ATF2: variants seen among roughly 807,000 people sequenced by gnomAD.
The protein encoded by ATF2 is activating transcription factor 2.
Under a neutral mutation model 60.6 loss-of-function variants are expected in ATF2, and 24 were observed. The observed-to-expected ratio is 0.40, with a 90% CI of 0.29 to 0.56. The LOEUF (loss-of-function observed/expected upper bound fraction) is 0.56. ATF2 is among the 20% of genes least tolerant of loss of function. The pLI, the probability that ATF2 is intolerant of heterozygous loss-of-function variation, is 0.54. For synonymous variants in ATF2, 206 were observed against 215.4 expected (o/e 0.96, Z 0.38); for missense variants, 433 against 607.7 (o/e 0.71, Z 3.02).
intron 13 of ATF2, among the ~76,000 whole-genome samples, chr2:175,078,078 T>C (rs62183055): frequency 0.039 from 5,997 of 152,300 alleles, 136 homozygotes; most frequent in Admixed American, 0.094. Context: ...AGTGATCCTC[T>C]TGCCTCAGCC....
At chr2:175,115,078 G>T (rs1020137424) in intron 7 of ATF2, among the ~76,000 whole-genome samples, 16 of 144,090 alleles carry the variant, frequency 1.1e-4, no homozygotes, top group Middle Eastern at 3.6e-3. Flanking sequence ...AAAAAGACTC[G>T]TTTTTTTTTT....
At chr2:175,115,743 C>T (rs1696509199) in intron 7 of ATF2, among the ~76,000 whole-genome samples, 1 of 151,808 alleles carries the variant, frequency 6.6e-6, no homozygotes, top group Non-Finnish European at 1.5e-5. Flanking sequence ...AAGGAAGAGA[C>T]AATAAACAAG....
At chr2:175,097,258 C>T (rs1153682) in intron 11 of ATF2, among the ~76,000 whole-genome samples, 186 bp downstream of exon 11, 14,261 of 152,206 alleles carry the variant, frequency 0.094, 718 homozygotes, top group Middle Eastern at 0.17. Flanking sequence ...TGAACAGAAA[C>T]ACTGCTCTAT....
At chr2:175,087,428 A>G (rs962300955) in intron 12 of ATF2, among the ~76,000 whole-genome samples, 6 of 152,206 alleles carry the variant, frequency 3.9e-5, no homozygotes, top group African/African-American at 1.4e-4. Flanking sequence ...GTGGCTACTC[A>G]AAGGTTAATT....
chr2:175,155,641 CAG>C (rs1699621926), intron 1 of ATF2, among the ~76,000 whole-genome samples: 1 of 151,986 alleles, frequency 6.6e-6, no homozygotes, highest in African/African-American at 2.4e-5. Flanking sequence ...ACAAGTATGA[CAG>C]AGTCATTAAT....
chr2:175,112,954 G>A lies in ATF2; in HGVS notation c.741+1040C>T, dbSNP rs114500028. Among the ~76,000 whole-genome samples, 969 of 152,102 alleles carry A rather than the reference G, an allele frequency of 6.4e-3. 2 individuals are homozygous for A. The highest frequency in any genetic ancestry group is 0.02 in the Middle Eastern group (6 of 294). ...CTGATCAGTAACAAGCATCTTAGAA[G>A]GTAAAAGAAAAAACTATCTTTTTAT... On this transcript the variant is annotated intron_variant, in intron 9 of 13. Transcript: ENST00000264110.
At chr2:175,085,588 ACACACACAC>A (rs1441423780) in intron 12 of ATF2, among the ~76,000 whole-genome samples, 2 of 149,246 alleles carry the variant, frequency 1.3e-5, no homozygotes, top group Non-Finnish European at 2.9e-5. Context: ...ACACACACAC[ACACACACAC>A]AAATTCTCTC....
chr2:175,074,628 G>C lies in ATF2; in HGVS notation c.1499C>G (p.Ser500Ter). The C allele has an allele frequency of 1.9e-6, 3 of 1,612,648 alleles. No homozygotes were observed. Among genetic ancestry groups the C allele is most frequent in the Non-Finnish European group, 2.5e-6 (3 of 1,179,366 alleles). The change falls in exon 14 of 14, where the codon TCA (serine) becomes TGA (stop). Residue 500 changes from serine (S) to a stop codon, truncating the protein, a stop_gained. Transcript: ENST00000264110. LOFTEE classifies it high-confidence loss of function. ...SQIVMAPSSQ[S>*]QPSGS is the part of the protein sequence containing the mutation. ...TTTTAATCAACTTCCTGAGGGCTGT[G>C]ACTGGGAGGAAGGAGCCATAACGAT...
intron 12 of ATF2, among the ~76,000 whole-genome samples, chr2:175,085,570 AC>A (rs2105558929): frequency 1.4e-5 from 2 of 147,090 alleles, no homozygotes; most frequent in Admixed American, 1.3e-4. Context: ...ACACACACAC[AC>A]ACACACACAC....
chr2:175,142,685 A>AAGAGAGAGAGAG (rs371270320), intron 2 of ATF2, among the ~76,000 whole-genome samples: 2 of 126,342 alleles, frequency 1.6e-5, no homozygotes, highest in African/African-American at 6.1e-5. Flanking sequence ...ACGCTGCCGA[A>AAGAGAGAGAGAG]AGAGAGAGAG....
intron 1 of ATF2, among the ~76,000 whole-genome samples, chr2:175,154,000 A>C (rs1197097116): frequency 1.3e-5 from 2 of 151,626 alleles, no homozygotes; most frequent in Non-Finnish European, 2.9e-5. Context: ...TGGGCGGATC[A>C]CCTGAGGTCA....
intron 12 of ATF2, among the ~76,000 whole-genome samples, chr2:175,083,583 G>T (rs2105549626): frequency 6.6e-6 from 1 of 152,140 alleles, no homozygotes; most frequent in Admixed American, 6.5e-5. Context: ...CATAGGCATG[G>T]GCAAAGACTT....
chr2:175,107,042 T>C (rs1695721161), intron 10 of ATF2, among the ~76,000 whole-genome samples: 1 of 151,622 alleles, frequency 6.6e-6, no homozygotes, highest in African/African-American at 2.4e-5. Flanking sequence ...GGAGGATCAC[T>C]TGAGGCTGGG....
chr2:175,152,255 C>T (rs577530753), intron 1 of ATF2, among the ~76,000 whole-genome samples: 1 of 152,190 alleles, frequency 6.6e-6, no homozygotes, highest in South Asian at 2.1e-4. Flanking sequence ...GACTAACATT[C>T]ATAAGGACTT....
At chr2:175,082,288 T>C (rs1227575702) in intron 12 of ATF2, among the ~76,000 whole-genome samples, 1 of 152,212 alleles carries the variant, frequency 6.6e-6, no homozygotes, top group African/African-American at 2.4e-5. Context: ...TGATTTAGAA[T>C]ATTGTATTTG....
intron 1 of ATF2, among the ~76,000 whole-genome samples, chr2:175,156,381 A>AC (rs1699686628): frequency 3.0e-5 from 3 of 100,202 alleles, no homozygotes; most frequent in African/African-American, 5.1e-5. Flanking sequence ...AAAAAACAAA[A>AC]AAAAAAAAAA....
chr2:175,105,311 C>T (rs1292500160), intron 10 of ATF2, among the ~76,000 whole-genome samples: 2 of 81,114 alleles, frequency 2.5e-5, no homozygotes, highest in East Asian at 2.9e-4. Context: ...TTAAAATCTG[C>T]CCCCCCCCCA....
At chr2:175,111,757 T>C (rs968412867) in intron 9 of ATF2, 103 bp from the exon 10 acceptor site, 6 of 993,390 alleles carry the variant, frequency 6.0e-6, no homozygotes, top group Admixed American at 2.4e-5. Flanking sequence ...AATCAGAACA[T>C]TGTAAATTTA....
chr2:175,074,766 T>A lies in ATF2; in HGVS notation c.1361A>T (p.His454Leu). The change falls in exon 14 of 14, where the codon CAT (histidine) becomes CTT (leucine). Residue 454 changes from histidine to leucine, a missense_variant. Physicochemically the swap from His to Leu is moderately conservative, Grantham distance 99 (BLOSUM62 -3). This residue lies in a region of ATF2 where 114 missense variants were observed against 104.0 expected (regional missense o/e 1.10). Transcript: ENST00000264110. Reference protein sequence around the residue: ...PSSPHTEAIQHSSVSTSNGVS... With the variant: ...PSSPHTEAIQLSSVSTSNGVS... ...TCCATTGGATGTGCTGACCGAACTA[T>A]GCTGTATAGCTTCTGTATGTGGACT... 2 of 1,613,638 alleles carry A rather than the reference T, an allele frequency of 1.2e-6. No homozygotes were observed. Among genetic ancestry groups the A allele is most frequent in the Non-Finnish European group, 1.7e-6 (2 of 1,179,722 alleles).
Sources: allele counts gnomAD v4.1 joint callset (sites outside exome capture counted in the v4.1 genomes callset), GRCh38; gene constraint gnomAD v4.1.1; regional missense constraint gnomAD v4.1.1; transcripts MANE v1.5; gene names NCBI Gene and HGNC (gene_info 2026-07-23, HGNC 2026-07-21).